ANKRD31: variants seen among roughly 807,000 people sequenced by gnomAD.
ANKRD31 encodes ankyrin repeat domain-containing protein 31.
Under a neutral mutation model 186.0 loss-of-function variants are expected in ANKRD31, and 147 were observed. The observed-to-expected ratio is 0.79, with a 90% confidence interval of 0.69 to 0.91. The LOEUF (loss-of-function observed/expected upper bound fraction) is 0.91, where lower values mean the gene tolerates loss of function less well. Among genes scored for constraint, ANKRD31 ranks in the 40% least tolerant of loss-of-function variants. The probability of loss-of-function intolerance (pLI) is 0.00; values close to 1 mark genes in which losing one functional copy is unlikely to be tolerated. For synonymous variants in ANKRD31, 673 were observed against 736.4 expected (o/e 0.91, Z 1.39); for missense variants, 1,986 against 2,148.8 (o/e 0.92, Z 1.50).
chr5:75,068,765 G>T, intron 25 of ANKRD31, 101 bp from the exon 26 acceptor site: 1 of 1,224,632 alleles, frequency 8.2e-7, no homozygotes, highest in Non-Finnish European at 1.1e-6. Flanking sequence ...CTATTTGAGA[G>T]CACACATAAC....
At chr5:75,166,427 C>T (rs558288444) in intron 11 of ANKRD31, among the ~76,000 whole-genome samples, 93 of 152,250 alleles carry the variant, frequency 6.1e-4, no homozygotes, top group South Asian at 2.1e-4. Flanking sequence ...ACCGAGATCA[C>T]GCCACTACAC....
intron 15 of ANKRD31, 70 bp from the exon 16 acceptor site, chr5:75,139,053 A>G (rs1285055411): frequency 3.4e-6 from 5 of 1,483,248 alleles, no homozygotes; most frequent in South Asian, 1.3e-5. Context: ...CTTAGAAAAT[A>G]CATAACAACT....
chr5:75,147,209 T>C lies in ANKRD31; in HGVS notation c.2202A>G (p.Gln734=). The C allele has an allele frequency of 6.5e-7, 1 of 1,536,288 alleles. No individual in the cohort carries two copies. The highest frequency in any genetic ancestry group is 2.4e-5 in the East Asian group (1 of 40,882). ...VPKGIGRRKT[Q]HKRTQVDDVD... ...CATCATCTACTTGGGTCCTTTTATG[T>C]TGTGTTTTTCTTCTTCCTATACCTT... Residue 734 remains glutamine (Q), a synonymous_variant, in exon 14 of 26, where the codon CAA becomes CAG. Transcript: ENST00000506364.
intron 4 of ANKRD31, among the ~76,000 whole-genome samples, chr5:75,210,244 G>A (rs974374903): frequency 1.3e-5 from 2 of 152,152 alleles, no homozygotes; most frequent in African/African-American, 4.8e-5. Flanking sequence ...CATGATCTCA[G>A]CTCATTGCAA....
At chr5:75,189,828 C>T (rs1030934268) in intron 9 of ANKRD31, among the ~76,000 whole-genome samples, 23 of 152,058 alleles carry the variant, frequency 1.5e-4, no homozygotes, top group African/African-American at 5.3e-4. Context: ...TTGTCAAATG[C>T]TTTCTATGCA....
intron 9 of ANKRD31, among the ~76,000 whole-genome samples, chr5:75,189,494 G>A (rs567002195): frequency 4.6e-5 from 7 of 152,224 alleles, no homozygotes; most frequent in African/African-American, 1.2e-4. Context: ...CTGCCTTGCC[G>A]TTTGACTCCC....
chr5:75,222,196 C>T (rs759907030), intron 3 of ANKRD31, 53 bp downstream of exon 3: 61 of 1,310,976 alleles, frequency 4.7e-5, no homozygotes, highest in South Asian at 2.3e-4. Context: ...CCACTCTGAG[C>T]GATAGCATTT....
At chr5:75,135,007 G>A (rs1167484027) in intron 17 of ANKRD31, among the ~76,000 whole-genome samples, 1 of 152,092 alleles carries the variant, frequency 6.6e-6, no homozygotes, top group South Asian at 2.1e-4. Flanking sequence ...GGTATTGATG[G>A]GACGTATCTC....
At chr5:75,205,154 C>T (rs540574599) in intron 5 of ANKRD31, among the ~76,000 whole-genome samples, 1 of 152,344 alleles carries the variant, frequency 6.6e-6, no homozygotes, top group East Asian at 1.9e-4. Context: ...GTGTGAGCCA[C>T]CACATCCAGC....
chr5:75,210,841 G>A lies in ANKRD31; in HGVS notation c.313C>T (p.Gln105Ter). 1 of 1,511,242 alleles carries A rather than the reference G, an allele frequency of 6.6e-7. No individual in the cohort carries two copies. The highest frequency in any genetic ancestry group is 8.8e-7 in the Non-Finnish European group (1 of 1,138,182). The allele number at this position is 1,511,242 out of a possible 1,614,324, so 93.6% of individuals were successfully genotyped here. A position where few individuals can be genotyped will look rare whatever the true frequency, so the allele number is the denominator to read the frequency against. The change falls in exon 4 of 26, where the codon CAA becomes TAA. Residue 105 changes from glutamine (Q) to a stop codon, truncating the protein, a stop_gained. Transcript: ENST00000506364. LOFTEE classifies it high-confidence loss of function. ...LQSQDETERN[Q>*]ALLQTRKNCS... is the part of the protein sequence containing the mutation. ...TAGTATACTTACTGTAACAGAGCTT[G>A]ATTTCGTTCTGTTTCATCTTGAGAC...
At chr5:75,183,826 T>C (rs1754498331) in intron 10 of ANKRD31, among the ~76,000 whole-genome samples, 1 of 152,032 alleles carries the variant, frequency 6.6e-6, no homozygotes, top group Non-Finnish European at 1.5e-5. Context: ...GTCACAATAA[T>C]CTACAGATTC....
intron 12 of ANKRD31, among the ~76,000 whole-genome samples, chr5:75,149,161 A>T (rs1420890940): frequency 6.6e-6 from 1 of 151,926 alleles, no homozygotes; most frequent in African/African-American, 2.4e-5. Flanking sequence ...TAATAAAAGG[A>T]ATGTATTTTA....
Position 75,160,948 on chromosome 5 carries a change from G to A in ANKRD31, c.1708-6603C>T, listed in dbSNP as rs148393457. Among the ~76,000 whole-genome samples the A allele has an allele frequency of 4.5e-3, 685 of 152,252 alleles. 3 individuals carry two copies. Among genetic ancestry groups the A allele is most frequent in the African/African-American group, 0.015 (627 of 41,542 alleles). On this transcript the variant is annotated intron_variant, in intron 11 of 25. Transcript: ENST00000506364. ...GATTGTGAAGCCTCCCTAGCCACAT[G>A]GAACTATAAGTCCATTAAACCTCTT...
At chr5:75,225,940 G>T (rs1757598409) in intron 2 of ANKRD31, among the ~76,000 whole-genome samples, 1 of 152,156 alleles carries the variant, frequency 6.6e-6, no homozygotes, top group South Asian at 2.1e-4. Flanking sequence ...GCTCTGAAGG[G>T]TGGGTTCCAG....
In ANKRD31 at chr5:75,229,465, G is replaced by A. The variant is rs534981277; in HGVS notation, c.178+1097C>T. Among the ~76,000 whole-genome samples, 13 of 152,198 alleles carry A rather than the reference G, an allele frequency of 8.5e-5. No homozygotes were observed. The South Asian group carries it at 2.3e-3, about 27-fold the overall frequency. On this transcript the variant is annotated intron_variant, in intron 2 of 25. Transcript: ENST00000506364. The stretch of plus-strand genomic sequence containing the variant: ...GGAAGCTATGATCCCCAGTGCTGTC[G>A]CTAGTCTAACAGACCCTAATAAACT...
intron 5 of ANKRD31, among the ~76,000 whole-genome samples, chr5:75,203,108 G>C (rs1390148956): frequency 6.6e-6 from 1 of 152,090 alleles, no homozygotes; most frequent in East Asian, 1.9e-4. Context: ...TACCTCACCT[G>C]GCCATGTGGC....
chr5:75,219,357 A>T (rs1757149953), intron 3 of ANKRD31, among the ~76,000 whole-genome samples: 1 of 152,198 alleles, frequency 6.6e-6, no homozygotes, highest in African/African-American at 2.4e-5. Flanking sequence ...AGCCAAACTG[A>T]CAGCCAAAAG....
chr5:75,220,447 C>T lies in ANKRD31; in HGVS notation c.288+1802G>A, dbSNP rs546415980. Among the ~76,000 whole-genome samples the T allele has an allele frequency of 1.5e-3, 233 of 151,954 alleles. 5 individuals carry two copies. Among genetic ancestry groups the T allele is most frequent in the African/African-American group, 5.3e-3 (219 of 41,430 alleles). ...CTGAGGTCGAAAGTTCGAGACCAGC[C>T]GAACCAACACAGAGAAGCCCTGTCT... On this transcript the variant is annotated intron_variant, in intron 3 of 25. Coordinates refer to ENST00000506364, the MANE Select transcript of ANKRD31 (RefSeq NM_001372053.1).
chr5:75,146,504 C>A lies in ANKRD31; in HGVS notation c.2907G>T (p.Gln969His). Residue 969 changes from glutamine to histidine, a missense_variant, in exon 14 of 26, where the codon CAG becomes CAT. Physicochemically the swap from Gln to His is conservative, Grantham distance 24. Coordinates refer to ENST00000506364, the MANE Select transcript of ANKRD31 (RefSeq NM_001372053.1). ...KAVSLTTLPE[Q>H]EAVNFSYSDN... ...CTGAATAAGAAAAATTAACAGCTTC[C>A]TGTTCTGGAAGTGTGGTTAGGCTGA... 1 of 1,536,490 alleles carries A rather than the reference C, an allele frequency of 6.5e-7. No individual in the cohort carries two copies. The highest frequency in any genetic ancestry group is 8.7e-7 in the Non-Finnish European group (1 of 1,146,452).
Sources: allele counts gnomAD v4.1 joint callset (sites outside exome capture counted in the v4.1 genomes callset), GRCh38; gene constraint gnomAD v4.1.1; transcripts MANE v1.5; gene names NCBI Gene and HGNC (gene_info 2026-07-23, HGNC 2026-07-21).